The following ZNF552 variants were observed in gnomAD, a reference collection of about 807,000 sequenced individuals.
The protein encoded by ZNF552 is zinc finger protein 552.
Under a neutral mutation model 7.2 loss-of-function variants are expected in ZNF552, and 2 were observed. The ratio of observed to expected loss-of-function variants is 0.28; its 90% CI spans 0.11 to 0.88. The LOEUF (loss-of-function observed/expected upper bound fraction) is 0.88, where lower values mean the gene tolerates loss of function less well. Among genes scored for constraint, ZNF552 ranks in the 40% least tolerant of loss-of-function variants. The probability of loss-of-function intolerance (pLI) is 0.60; values close to 1 mark genes in which losing one functional copy is unlikely to be tolerated. For synonymous variants in ZNF552, 173 were observed against 176.5 expected, an observed-to-expected ratio of 0.98 and a Z score of 0.16; for missense variants, 421 against 493.4, an observed-to-expected ratio of 0.85 and a Z score of 1.39.
rs1371725242 is a variant in ZNF552 at position 57,814,773 on chromosome 19, G to A, written c.-30C>T. The A allele has an allele frequency of 6.2e-7, 1 of 1,610,306 alleles. No individual in the cohort carries two copies. Among genetic ancestry groups the A allele is most frequent in the South Asian group, 1.1e-5 (1 of 90,970 alleles). On this transcript the variant is annotated 5_prime_UTR_variant, in exon 1 of 3. Coordinates refer to ENST00000391701, the MANE Select transcript of ZNF552 (RefSeq NM_024762.3). Reference sequence around the variant, plus strand: ...CCACGTGGGGTAAGCTGGGTTGAGAGCAGCGGGCGCCGTTAAAGAGCTGCA... The same window carrying A: ...CCACGTGGGGTAAGCTGGGTTGAGAACAGCGGGCGCCGTTAAAGAGCTGCA...
chr19:57,810,102 C>A (rs1987824610), intron 2 of ZNF552, among the ~76,000 whole-genome samples: 1 of 151,422 alleles, frequency 6.6e-6, no homozygotes, highest in South Asian at 2.1e-4. Context: ...AGTGTGAGAA[C>A]CTGTCTCAAA....
At chr19:57,811,274 G>A (rs112026172) in intron 2 of ZNF552, among the ~76,000 whole-genome samples, 1 of 151,994 alleles carries the variant, frequency 6.6e-6, no homozygotes, top group African/African-American at 2.4e-5. Flanking sequence ...CCGGGTTCAC[G>A]CCATTCTCCT....
In ZNF552 at chr19:57,807,149, A is replaced by C. The variant is rs1987757314; in HGVS notation, c.*891T>G. The C allele has an allele frequency of 6.6e-6, 1 of 152,254 alleles. No homozygotes were observed. The highest frequency in any genetic ancestry group is 1.5e-5 in the Non-Finnish European group (1 of 68,048). The allele number at this position is 152,254 out of a possible 1,614,324, so 9.4% of individuals were successfully genotyped here. ...GAAAATGGAAAGTATTATACAGCAGAGTAAATCAATGGTTGTCTGCATAGA... is the reference window on the plus strand; with the variant it reads ...GAAAATGGAAAGTATTATACAGCAGCGTAAATCAATGGTTGTCTGCATAGA... On this transcript the variant is annotated 3_prime_UTR_variant, in exon 3 of 3. Coordinates refer to ENST00000391701, the MANE Select transcript of ZNF552 (RefSeq NM_024762.3).
At position 57,807,774 on chromosome 19, in the gene ZNF552, G is replaced by T; in HGVS notation, c.*266C>A. ...ACATGACAGCTCTCCTGTGAGTTATGCAGCCAGACTTCTGGATAAATATCC... is the reference window on the plus strand; with the variant it reads ...ACATGACAGCTCTCCTGTGAGTTATTCAGCCAGACTTCTGGATAAATATCC... On this transcript the variant is annotated 3_prime_UTR_variant, in exon 3 of 3. Coordinates refer to ENST00000391701, the MANE Select transcript of ZNF552 (RefSeq NM_024762.3). 2.4e-6 allele frequency: 1 copy of T among 409,920 alleles called. No individual in the cohort carries two copies. The highest frequency in any genetic ancestry group is 4.1e-6 in the Non-Finnish European group (1 of 244,996). The allele number at this position is 409,920 out of a possible 1,614,324, so 25.4% of individuals were successfully genotyped here. A position where few individuals can be genotyped will look rare whatever the true frequency, so the allele number is the denominator to read the frequency against.
In ZNF552 at chr19:57,808,731, AAGTCTT is replaced by A; in HGVS notation, c.527_532del (p.Lys176_Phe178delinsIle). The A allele has an allele frequency of 6.2e-7, 1 of 1,613,980 alleles. No individual in the cohort carries two copies. The highest frequency in any genetic ancestry group is 8.5e-7 in the Non-Finnish European group (1 of 1,179,988). On this transcript the variant is annotated inframe_deletion, in exon 3 of 3. Transcript: ENST00000391701. ...CTGGAGTAATCCTGACCTGAGCAAA[AAGTCTT>A]TCCCACTCTCACTGAAGACAGATGA...
At chr19:57,811,174 A>C (rs9710505) in intron 2 of ZNF552, among the ~76,000 whole-genome samples, 1 of 145,560 alleles carries the variant, frequency 6.9e-6, no homozygotes, top group Admixed American at 6.8e-5. Flanking sequence ...TTTTTTTTTT[A>C]TTTTTTATTC....
chr19:57,808,536 C>CA lies in ZNF552; in HGVS notation c.727dup (p.Cys243LeufsTer2), dbSNP rs776315172. On this transcript the variant is annotated frameshift_variant, in exon 3 of 3. Transcript: ENST00000391701. LOFTEE classifies it low-confidence loss of function (END_TRUNC). The stretch of plus-strand genomic sequence containing the variant: ...TTTGCTAGAGGATTTCCCACATTCA[C>CA]ACCACACAGAAGGTTCTTCTGTAGG... The CA allele has an allele frequency of 6.2e-7, 1 of 1,614,072 alleles. No homozygotes were observed. The highest frequency in any genetic ancestry group is 8.5e-7 in the Non-Finnish European group (1 of 1,179,962).
At chr19:57,811,430 G>A (rs968423170) in intron 2 of ZNF552, among the ~76,000 whole-genome samples, 3 of 151,974 alleles carry the variant, frequency 2.0e-5, no homozygotes, top group Non-Finnish European at 2.9e-5. Context: ...CCAAAGTTCT[G>A]GGATTACAAG....
intron 2 of ZNF552, among the ~76,000 whole-genome samples, chr19:57,811,759 A>G (rs968411850): frequency 2.7e-5 from 4 of 147,802 alleles, no homozygotes; most frequent in African/African-American, 5.0e-5. Context: ...GGCCAGGTGC[A>G]GTGGATCATG....
At chr19:57,809,245 G>T (rs1368142391) in intron 2 of ZNF552, 142 bp from the exon 3 acceptor site, 1 of 1,547,266 alleles carries the variant, frequency 6.5e-7, no homozygotes, top group African/African-American at 1.4e-5. Context: ...GTGGAAGATG[G>T]TGCTATGTAT....
In ZNF552 at chr19:57,808,006, T is replaced by A. The variant is rs773915463; in HGVS notation, c.*34A>T. The A allele has an allele frequency of 1.3e-6, 2 of 1,554,618 alleles. No homozygotes were observed. Among genetic ancestry groups the A allele is most frequent in the Admixed American group, 1.9e-5 (1 of 51,298 alleles). On this transcript the variant is annotated 3_prime_UTR_variant, in exon 3 of 3. Coordinates refer to ENST00000391701, the MANE Select transcript of ZNF552 (RefSeq NM_024762.3). Reference sequence around the variant, plus strand: ...CACAGGATCTTACTCAGGTGTGTATTCTCCAATATTTAATGAGACTGGACT... The same window carrying A: ...CACAGGATCTTACTCAGGTGTGTATACTCCAATATTTAATGAGACTGGACT...
chr19:57,814,804 AC>A lies in ZNF552; in HGVS notation c.-62del. On this transcript the variant is annotated 5_prime_UTR_variant, in exon 1 of 3. Coordinates refer to ENST00000391701, the MANE Select transcript of ZNF552 (RefSeq NM_024762.3). ...GGCGCCGTTAAAGAGCTGCAGAGTC[AC>A]GTCTGTGCAAAGAGAAGAACGACTC... The A allele has an allele frequency of 6.5e-7, 1 of 1,544,420 alleles. No homozygotes were observed. The highest frequency in any genetic ancestry group is 8.9e-7 in the Non-Finnish European group (1 of 1,127,308).
chr19:57,810,449 G>C (rs1987832355), intron 2 of ZNF552, among the ~76,000 whole-genome samples: 1 of 152,182 alleles, frequency 6.6e-6, no homozygotes, highest in Non-Finnish European at 1.5e-5. Flanking sequence ...CTGTTAATCT[G>C]TAACCCTACT....
chr19:57,813,150 G>A, intron 2 of ZNF552, 144 bp downstream of exon 2: 1 of 1,372,594 alleles, frequency 7.3e-7, no homozygotes, highest in Non-Finnish European at 9.8e-7. Flanking sequence ...GGAGAGGGCA[G>A]TATGCATACC....
chr19:57,813,256 A>C, intron 2 of ZNF552, 38 bp downstream of exon 2: 1 of 1,612,900 alleles, frequency 6.2e-7, no homozygotes, highest in Non-Finnish European at 8.5e-7. Context: ...AAAGACAGAG[A>C]CTAGCTCAGG....
chr19:57,813,187 T>C (rs1987889376), intron 2 of ZNF552, 107 bp downstream of exon 2: 1 of 1,543,638 alleles, frequency 6.5e-7, no homozygotes, highest in Non-Finnish European at 8.8e-7. Flanking sequence ...AGAACTGAAG[T>C]AGGAAGCTGT....
intron 1 of ZNF552, among the ~76,000 whole-genome samples, chr19:57,813,968 T>G (rs886599037): frequency 8.7e-6 from 1 of 114,484 alleles, no homozygotes; most frequent in Admixed American, 8.5e-5. Flanking sequence ...GGTCTCTACC[T>G]CCGGACCAAC....
At chr19:57,809,799 T>G (rs1389713416) in intron 2 of ZNF552, among the ~76,000 whole-genome samples, 1 of 152,088 alleles carries the variant, frequency 6.6e-6, no homozygotes, top group African/African-American at 2.4e-5. Flanking sequence ...CTGGGAAACA[T>G]GGTGAGACCC....
intron 2 of ZNF552, among the ~76,000 whole-genome samples, chr19:57,812,136 G>A (rs1478365277): frequency 6.6e-6 from 1 of 151,790 alleles, no homozygotes; most frequent in Non-Finnish European, 1.5e-5. Flanking sequence ...AGGAGGCAGA[G>A]GTTGCAGTGA....
Sources: allele counts gnomAD v4.1 joint callset (sites outside exome capture counted in the v4.1 genomes callset), GRCh38; gene constraint gnomAD v4.1.1; transcripts MANE v1.5; gene names NCBI Gene and HGNC (gene_info 2026-07-23, HGNC 2026-07-21).